CTNNA2: variants seen among roughly 807,000 people sequenced by gnomAD.
CTNNA2 encodes the protein catenin alpha-2.
CTNNA2 carries 42 observed loss-of-function variants against 101.0 expected under a neutral mutation model. That is an observed-to-expected ratio of 0.42 (90% CI 0.32 to 0.54). The LOEUF is 0.54. Among genes scored for constraint, CTNNA2 ranks in the 20% least tolerant of loss-of-function variants. The probability of loss-of-function intolerance (pLI) is 0.14; values close to 1 mark genes in which losing one functional copy is unlikely to be tolerated. For missense variants in CTNNA2, 871 were observed against 1,223.1 expected, an observed-to-expected ratio of 0.71 and a Z score of 4.29; for synonymous variants, 450 against 456.4, an observed-to-expected ratio of 0.99 and a Z score of 0.18.
chr2:79,389,307 A>T (rs1678140733), intron 4 of CTNNA2, among the ~76,000 whole-genome samples: 1 of 152,200 alleles, frequency 6.6e-6, no homozygotes, highest in Non-Finnish European at 1.5e-5. Flanking sequence ...TGATTGATCT[A>T]GGGCTGTTTG....
chr2:79,231,832 A>G (rs1674497136), intron 2 of CTNNA2, among the ~76,000 whole-genome samples: 1 of 151,964 alleles, frequency 6.6e-6, no homozygotes, highest in Non-Finnish European at 1.5e-5. Context: ...TATAAATGAG[A>G]TTGTGTCTTT....
intron 7 of CTNNA2, among the ~76,000 whole-genome samples, chr2:80,310,512 C>T (rs930299937): frequency 1.3e-5 from 2 of 152,192 alleles, no homozygotes; most frequent in Admixed American, 6.5e-5. Context: ...GGCAGCCCAA[C>T]ATGTTGCCCC....
At chr2:80,645,563 T>C (rs1488781990) in intron 18 of CTNNA2, among the ~76,000 whole-genome samples, 1 of 125,914 alleles carries the variant, frequency 7.9e-6, no homozygotes, top group Non-Finnish European at 1.7e-5. Flanking sequence ...AAACAAAGAT[T>C]GCAAGGTTTT....
intron 3 of CTNNA2, among the ~76,000 whole-genome samples, chr2:79,767,444 A>G (rs1485358614): frequency 6.6e-6 from 1 of 151,934 alleles, no homozygotes; most frequent in Non-Finnish European, 1.5e-5. Flanking sequence ...AGAGTTAGTT[A>G]TTTATTTTAA....
chr2:80,338,428 G>T (rs568521192), intron 7 of CTNNA2, among the ~76,000 whole-genome samples: 1 of 151,670 alleles, frequency 6.6e-6, no homozygotes, highest in African/African-American at 2.4e-5. Context: ...GAACATTTCA[G>T]TAACAGCTGG....
At chr2:79,662,431 G>A (rs1178312522) in intron 2 of CTNNA2, among the ~76,000 whole-genome samples, 2 of 152,090 alleles carry the variant, frequency 1.3e-5, no homozygotes, top group African/African-American at 4.8e-5. Flanking sequence ...GCTTGAAATG[G>A]GACAATTAGT....
intron 4 of CTNNA2, among the ~76,000 whole-genome samples, chr2:79,377,288 A>G (rs2104460001): frequency 6.6e-6 from 1 of 152,280 alleles, no homozygotes; most frequent in African/African-American, 2.4e-5. Context: ...CCCAACAATA[A>G]GGAAAAGGCA....
At chr2:80,624,386 TTTG>T (rs1467940514) in intron 18 of CTNNA2, among the ~76,000 whole-genome samples, 6 of 152,036 alleles carry the variant, frequency 3.9e-5, no homozygotes, top group African/African-American at 7.2e-5. Flanking sequence ...TGCTAAATTC[TTTG>T]TTGTTTGTTT....
At chr2:80,491,216 T>C (rs547453964) in intron 9 of CTNNA2, among the ~76,000 whole-genome samples, 1 of 152,312 alleles carries the variant, frequency 6.6e-6, no homozygotes, top group East Asian at 1.9e-4. Flanking sequence ...CCCAGTTTGA[T>C]GGCTTCAGAG....
intron 2 of CTNNA2, among the ~76,000 whole-genome samples, chr2:79,279,504 G>A (rs1013868102): frequency 1.6e-4 from 24 of 152,076 alleles, no homozygotes; most frequent in African/African-American, 5.6e-4. Flanking sequence ...TGACACAAAG[G>A]CACAGGATGT....
At chr2:79,601,214 A>G (rs1677534047) in intron 1 of CTNNA2, among the ~76,000 whole-genome samples, 1 of 152,140 alleles carries the variant, frequency 6.6e-6, no homozygotes, top group African/African-American at 2.4e-5. Flanking sequence ...GTATAAGACT[A>G]CTCTTCGATG....
intron 2 of CTNNA2, among the ~76,000 whole-genome samples, chr2:79,740,774 A>T (rs1336171937): frequency 2.0e-5 from 3 of 152,180 alleles, no homozygotes; most frequent in Non-Finnish European, 4.4e-5. Flanking sequence ...GATACAGCAT[A>T]GAGCACAACA....
chr2:80,097,990 C>T (rs79959549), intron 7 of CTNNA2, among the ~76,000 whole-genome samples: 3 of 152,160 alleles, frequency 2.0e-5, no homozygotes, highest in Non-Finnish European at 2.9e-5. Flanking sequence ...TCTTCTGAAA[C>T]CTTCTTCTCT....
At chr2:79,982,363 T>TAACA (rs900018527) in intron 7 of CTNNA2, among the ~76,000 whole-genome samples, 1 of 136,026 alleles carries the variant, frequency 7.4e-6, no homozygotes, top group Non-Finnish European at 1.5e-5. Flanking sequence ...ATAACCTATA[T>TAACA]AACATATATA....
rs952590674 is a variant in CTNNA2, at chr2:80,281,123, G to A, written c.1057-112088G>A. ...GCCTCTTGGTTTCATTGATCTGAAG[G>A]GATTTGAGATCCCCAGGGTGACCAG... On this transcript the variant is annotated intron_variant, in intron 7 of 18. Coordinates refer to ENST00000402739, the MANE Select transcript of CTNNA2 (RefSeq NM_001282597.3). 2.0e-5 allele frequency among the ~76,000 whole-genome samples: 3 copies of A among 152,116 alleles called. No individual in the cohort carries two copies. The East Asian group carries it at 5.8e-4, about 29-fold the overall frequency.
intron 1 of CTNNA2, among the ~76,000 whole-genome samples, chr2:79,624,666 T>C (rs1275601497): frequency 1.3e-5 from 2 of 152,144 alleles, no homozygotes; most frequent in African/African-American, 4.8e-5. Context: ...CAATATTGAT[T>C]GAAAATATAT....
chr2:79,448,413 TA>T (rs1474671218), intron 4 of CTNNA2, among the ~76,000 whole-genome samples: 2 of 152,114 alleles, frequency 1.3e-5, no homozygotes, highest in African/African-American at 4.8e-5. Flanking sequence ...TTTATGCATT[TA>T]TTTTGTGACT....
chr2:80,606,579 G>GA (rs1437167124), intron 16 of CTNNA2, among the ~76,000 whole-genome samples: 1 of 151,724 alleles, frequency 6.6e-6, no homozygotes, highest in African/African-American at 2.4e-5. Context: ...GAAATCTTCA[G>GA]AAAAAAATGT....
At chr2:80,638,713 C>T (rs1673128834) in intron 18 of CTNNA2, among the ~76,000 whole-genome samples, 1 of 152,190 alleles carries the variant, frequency 6.6e-6, no homozygotes, top group South Asian at 2.1e-4. Flanking sequence ...TCATGGGCGT[C>T]CCCAAGGTTT....
Sources: gnomAD v4.1 joint callset for allele counts (sites outside exome capture counted in the v4.1 genomes callset) on GRCh38, gnomAD v4.1.1 for gene constraint, MANE v1.5 for transcripts, NCBI Gene and HGNC (gene_info 2026-07-23, HGNC 2026-07-21) for gene names.